TMC7: variants seen among roughly 807,000 people sequenced by gnomAD.
The protein encoded by TMC7 is transmembrane channel like 7.
In TMC7, 54 loss-of-function variants were observed where a neutral mutation model predicts 82.9. That is an observed-to-expected ratio of 0.65 (90% confidence interval 0.52 to 0.82). TMC7 has a LOEUF of 0.82. TMC7 is among the 40% of genes least tolerant of loss of function. TMC7 has a pLI of 0.00. For missense variants in TMC7, 820 were observed against 901.2 expected (o/e 0.91, Z 1.15); for synonymous variants, 350 against 337.9 (o/e 1.04, Z -0.39).
rs190153837 is a variant in TMC7, at chr16:19,010,017, T to C, written c.311+602T>C. ...TTCCTTCCTTCCTTCATTCCTCCCT[T>C]CCTCCCTCCCTCCCTCCCTCCTTTC... is the stretch of plus-strand genomic sequence containing the variant. On this transcript the variant is annotated intron_variant, in intron 2 of 15. Coordinates refer to ENST00000304381, the MANE Select transcript of TMC7 (RefSeq NM_024847.4). Among the ~76,000 whole-genome samples, 464 of 147,292 alleles carry C rather than the reference T, an allele frequency of 3.2e-3. 1 individual carries two copies. Among genetic ancestry groups the C allele is most frequent in the Non-Finnish European group, 4.9e-3 (329 of 66,582 alleles).
chr16:19,011,200 A>G (rs1033990574), intron 2 of TMC7, among the ~76,000 whole-genome samples: 1 of 152,150 alleles, frequency 6.6e-6, no homozygotes, highest in Non-Finnish European at 1.5e-5. Context: ...GAAGGCTGGG[A>G]AGTGTCTCCA....
At chr16:19,059,950 C>CTGG in intron 15 of TMC7, 1 of 363,382 alleles carries the variant, frequency 2.8e-6, no homozygotes, top group Admixed American at 4.0e-5. Flanking sequence ...GCACTCCAGC[C>CTGG]TGGGTGACAG....
rs1199086470 is a variant in TMC7, at chr16:19,030,386, C to A, written c.857+17C>A. On this transcript the variant is annotated intron_variant, in intron 6 of 15. Coordinates refer to ENST00000304381, the MANE Select transcript of TMC7 (RefSeq NM_024847.4). Reference sequence around the variant, plus strand: ...AGTGAAAAGGTAAAGTCTGCCTTTGCATTCTCTCTGAATTACCCCTGATGG... The same window carrying A: ...AGTGAAAAGGTAAAGTCTGCCTTTGAATTCTCTCTGAATTACCCCTGATGG... 2.5e-6 allele frequency: 4 copies of A among 1,601,368 alleles called. No individual in the cohort carries two copies. In the Admixed American group the frequency reaches 6.9e-5, roughly 28 times the overall value.
intron 7 of TMC7, among the ~76,000 whole-genome samples, chr16:19,036,483 G>C (rs1319257295): frequency 6.6e-6 from 1 of 151,984 alleles, no homozygotes; most frequent in Non-Finnish European, 1.5e-5. Context: ...ATTCCAGCCT[G>C]GGTGACAGAG....
intron 2 of TMC7, among the ~76,000 whole-genome samples, chr16:19,014,229 T>C (rs1441192148): frequency 1.3e-5 from 2 of 152,024 alleles, no homozygotes; most frequent in Admixed American, 6.6e-5. Flanking sequence ...GTCTGTGGAT[T>C]GGAGGATGTT....
chr16:19,048,292 G>A (rs1454610161), intron 12 of TMC7, among the ~76,000 whole-genome samples: 4 of 151,684 alleles, frequency 2.6e-5, no homozygotes, highest in Admixed American at 1.3e-4. Flanking sequence ...ATTTATTTTC[G>A]GGTTTCAATG....
chr16:19,035,650 G>C, intron 6 of TMC7, 26 bp from the exon 7 acceptor site: 1 of 1,614,060 alleles, frequency 6.2e-7, no homozygotes, highest in Non-Finnish European at 8.5e-7. Flanking sequence ...GTTTCTATAA[G>C]AAGGATGATT....
Position 19,061,941 on chromosome 16 carries a change from TAAA to T in TMC7, c.*101_*103del. The T allele has an allele frequency of 1.0e-6, 1 of 982,458 alleles. No homozygotes were observed. Among genetic ancestry groups the T allele is most frequent in the Non-Finnish European group, 1.5e-6 (1 of 670,878 alleles). 60.9% of individuals were successfully genotyped at this position (982,458 alleles called of 1,614,324 possible). ...TCTACCTGGGTTTTGAGTGGACATTTAAAAATATATTTTTCTTGAGTTTAGGCT... is the reference window on the plus strand; with the variant it reads ...TCTACCTGGGTTTTGAGTGGACATTTAATATATTTTTCTTGAGTTTAGGCT... On this transcript the variant is annotated 3_prime_UTR_variant, in exon 16 of 16. Coordinates refer to ENST00000304381, the MANE Select transcript of TMC7 (RefSeq NM_024847.4).
chr16:18,991,078 G>A (rs111854735), intron 1 of TMC7, among the ~76,000 whole-genome samples: 4,884 of 152,230 alleles, frequency 0.032, 251 homozygotes, highest in African/African-American at 0.11. Flanking sequence ...GAGATAATGG[G>A]TGATGTTTCT....
intron 9 of TMC7, among the ~76,000 whole-genome samples, chr16:19,042,346 T>A (rs1961051377): frequency 6.6e-6 from 1 of 151,966 alleles, no homozygotes; most frequent in African/African-American, 2.4e-5. Context: ...AGCCAATTTT[T>A]AAATTTTTTG....
At chr16:19,043,578 A>G (rs1961120889) in intron 9 of TMC7, among the ~76,000 whole-genome samples, 1 of 151,760 alleles carries the variant, frequency 6.6e-6, no homozygotes, top group Non-Finnish European at 1.5e-5. Context: ...TTATTTATTT[A>G]TTTATTTCTG....
intron 9 of TMC7, among the ~76,000 whole-genome samples, chr16:19,042,656 C>T (rs1399575679): frequency 2.6e-5 from 4 of 151,606 alleles, no homozygotes; most frequent in Non-Finnish European, 5.9e-5. Context: ...TACAGATGCC[C>T]GGCACCACGC....
intron 3 of TMC7, among the ~76,000 whole-genome samples, chr16:19,019,466 A>G (rs1326163235): frequency 6.6e-6 from 1 of 152,204 alleles, no homozygotes; most frequent in Non-Finnish European, 1.5e-5. Flanking sequence ...ATAAAAGCTA[A>G]CTGTTACTGA....
At chr16:18,987,374 G>A (rs1418133882) in intron 1 of TMC7, among the ~76,000 whole-genome samples, 35 of 152,074 alleles carry the variant, frequency 2.3e-4, no homozygotes, top group Middle Eastern at 3.4e-3. Context: ...GCAGTAGCGC[G>A]ATCTCGGCTC....
At chr16:19,030,098 C>A in intron 5 of TMC7, 126 bp from the exon 6 acceptor site, 1 of 940,886 alleles carries the variant, frequency 1.1e-6, no homozygotes, top group Non-Finnish European at 1.6e-6. Context: ...TGGGGCTGTT[C>A]CAGTCTCTGG....
At chr16:19,033,997 A>C (rs1167814931) in intron 6 of TMC7, among the ~76,000 whole-genome samples, 1 of 152,186 alleles carries the variant, frequency 6.6e-6, no homozygotes, top group Non-Finnish European at 1.5e-5. Flanking sequence ...AGGACTGTGC[A>C]TGGCATCTGG....
At position 18,984,041 on chromosome 16, in the gene TMC7, T is replaced by C. The variant is rs941881794; in HGVS notation, c.-23T>C. On this transcript the variant is annotated 5_prime_UTR_variant, in exon 1 of 16. Coordinates refer to ENST00000304381, the MANE Select transcript of TMC7 (RefSeq NM_024847.4). ...CGGCTGGAGAGGGTCCTCGGCAGCCTCTGAGGAGCGCGGGGCGCGGCCATG... is the reference window on the plus strand; with the variant it reads ...CGGCTGGAGAGGGTCCTCGGCAGCCCCTGAGGAGCGCGGGGCGCGGCCATG... 1.9e-4 allele frequency: 286 copies of C among 1,468,928 alleles called. No individual in the cohort carries two copies. Among genetic ancestry groups the C allele is most frequent in the Non-Finnish European group, 2.5e-4 (282 of 1,117,708 alleles). The allele number at this position is 1,468,928 out of a possible 1,614,324, so 91.0% of individuals were successfully genotyped here.
chr16:19,010,171 T>C, intron 2 of TMC7, among the ~76,000 whole-genome samples: 1 of 93,460 alleles, frequency 1.1e-5, no homozygotes, highest in Non-Finnish European at 2.2e-5. Flanking sequence ...CCTCTCCTTT[T>C]GAGACACAGT....
intron 1 of TMC7, chr16:18,984,634 T>C (rs1443476515): frequency 7.6e-6 from 4 of 526,648 alleles, no homozygotes; most frequent in Non-Finnish European, 9.7e-6. Flanking sequence ...AAAATGGGAA[T>C]AGAATGGGGC....
Sources: gnomAD v4.1 joint callset for allele counts (sites outside exome capture counted in the v4.1 genomes callset) on GRCh38, gnomAD v4.1.1 for gene constraint, MANE v1.5 for transcripts, NCBI Gene and HGNC (gene_info 2026-07-23, HGNC 2026-07-21) for gene names.